The following CA2 variants were observed in gnomAD, a reference collection of about 807,000 sequenced individuals.
CA2 encodes carbonate dehydratase II.
A neutral mutation model predicts 27.8 loss-of-function variants in CA2; 23 were observed. The ratio of observed to expected loss-of-function variants is 0.83; its 90% confidence interval spans 0.59 to 1.17. CA2 has a LOEUF of 1.17. CA2 is among the 50% of genes most tolerant of loss of function. The pLI, the probability that CA2 is intolerant of heterozygous loss-of-function variation, is 0.00. For synonymous variants in CA2, 99 were observed against 114.9 expected (o/e 0.86, Z 0.88); for missense variants, 300 against 314.7 (o/e 0.95, Z 0.35).
chr8:85,479,189 G>A (rs1406839641), intron 6 of CA2, among the ~76,000 whole-genome samples: 1 of 152,188 alleles, frequency 6.6e-6, no homozygotes, highest in African/African-American at 2.4e-5. Flanking sequence ...CCCAGGCTCT[G>A]TCTCTGTGAT....
At chr8:85,473,616 T>C (rs1405813182) in intron 2 of CA2, 77 bp from the exon 3 acceptor site, 1 of 742,490 alleles carries the variant, frequency 1.3e-6, no homozygotes, top group Non-Finnish European at 2.5e-6. Context: ...TGTGTATGTA[T>C]GTGTGTATAC....
At chr8:85,473,907 G>C (rs954007383) in intron 3 of CA2, 96 bp downstream of exon 3, 1 of 804,908 alleles carries the variant, frequency 1.2e-6, no homozygotes, top group African/African-American at 1.7e-5. Context: ...TTCAACTCAC[G>C]CCCAGTGAAC....
In CA2 at chr8:85,471,138, A is replaced by C. The variant is rs75424231; in HGVS notation, c.233-2555A>C. Among the ~76,000 whole-genome samples the C allele has an allele frequency of 9.9e-3, 1,508 of 152,242 alleles. 29 individuals carry two copies. The highest frequency in any genetic ancestry group is 0.034 in the African/African-American group (1,408 of 41,564). On this transcript the variant is annotated intron_variant, in intron 2 of 6. Coordinates refer to ENST00000285379, the MANE Select transcript of CA2 (RefSeq NM_000067.3). ...TTATGTTTCTCAAATAAAAAGTTTG[A>C]GTTTATGGCAATTTATTATAACAAT... is the stretch of plus-strand genomic sequence containing the variant.
intron 6 of CA2, among the ~76,000 whole-genome samples, chr8:85,479,331 A>T (rs147304119): frequency 2.0e-4 from 30 of 152,308 alleles, no homozygotes; most frequent in African/African-American, 7.2e-4. Context: ...TCTCTTTCAG[A>T]TTGCTGGAAT....
chr8:85,466,489 C>T (rs1362581093), intron 2 of CA2, among the ~76,000 whole-genome samples: 1 of 151,966 alleles, frequency 6.6e-6, no homozygotes, highest in African/African-American at 2.4e-5. Context: ...ATATAGTCAA[C>T]TTGGTTTTGA....
intron 5 of CA2, among the ~76,000 whole-genome samples, chr8:85,476,133 T>TG (rs762955244): frequency 6.6e-6 from 1 of 152,220 alleles, no homozygotes; most frequent in Non-Finnish European, 1.5e-5. Flanking sequence ...ATCTTATGCC[T>TG]GCAAGGAGGT....
At chr8:85,478,081 T>C (rs1158132521) in intron 6 of CA2, among the ~76,000 whole-genome samples, 1 of 152,202 alleles carries the variant, frequency 6.6e-6, no homozygotes, top group Non-Finnish European at 1.5e-5. Flanking sequence ...CAATGTGCAA[T>C]AGAGATCATG....
In CA2 at chr8:85,464,078, G is replaced by A. The variant is rs1811576579; in HGVS notation, c.-4G>A. On this transcript the variant is annotated 5_prime_UTR_variant, in exon 1 of 7. Transcript: ENST00000285379. ...CCTGCCCTGCCCCGACCGCCAGCGC[G>A]ACCATGTCCCATCACTGGGGGTACG... is the stretch of plus-strand genomic sequence containing the variant. 1 of 1,548,504 alleles carries A rather than the reference G, an allele frequency of 6.5e-7. No individual in the cohort carries two copies. The highest frequency in any genetic ancestry group is 1.2e-5 in the South Asian group (1 of 84,072).
intron 2 of CA2, among the ~76,000 whole-genome samples, chr8:85,468,759 A>AAAAC (rs1197729980): frequency 6.6e-6 from 1 of 151,324 alleles, no homozygotes; most frequent in Non-Finnish European, 1.5e-5. Flanking sequence ...ACTCCATCTC[A>AAAAC]AAACAAACAA....
intron 2 of CA2, among the ~76,000 whole-genome samples, chr8:85,466,123 A>G (rs1429500670): frequency 1.1e-4 from 6 of 56,572 alleles, no homozygotes; most frequent in African/African-American, 3.8e-4. Context: ...CAGGATGCTC[A>G]CTGTAAAAAA....
At chr8:85,472,222 A>T (rs1811722827) in intron 2 of CA2, among the ~76,000 whole-genome samples, 1 of 152,234 alleles carries the variant, frequency 6.6e-6, no homozygotes, top group African/African-American at 2.4e-5. Flanking sequence ...ATTTGGGCTC[A>T]TTATTTTATG....
chr8:85,469,952 T>C (rs927575993), intron 2 of CA2, among the ~76,000 whole-genome samples: 5 of 152,196 alleles, frequency 3.3e-5, no homozygotes, highest in African/African-American at 1.2e-4. Flanking sequence ...CTAAAAGTTT[T>C]CTTTCACAGC....
chr8:85,465,384 T>C lies in CA2; in HGVS notation c.147T>C (p.Val49=), dbSNP rs747105608. The change falls in exon 2 of 7, where the codon GTT becomes GTC. Residue 49 remains valine, a synonymous_variant. Transcript: ENST00000285379. ...KYDPSLKPLS[V]SYDQATSLRI... ...ACCCTTCCCTGAAGCCCCTGTCTGT[T>C]TCCTATGATCAAGCAACTTCCCTGA... 35 of 1,614,196 alleles carry C rather than the reference T, an allele frequency of 2.2e-5. No homozygotes were observed. The highest frequency in any genetic ancestry group is 2.9e-5 in the Non-Finnish European group (34 of 1,180,020).
intron 2 of CA2, among the ~76,000 whole-genome samples, chr8:85,467,122 C>A (rs1365832988): frequency 6.6e-6 from 1 of 152,098 alleles, no homozygotes; most frequent in Non-Finnish European, 1.5e-5. Context: ...TTTTTTGGAG[C>A]ACTGAAGAAA....
intron 3 of CA2, 146 bp downstream of exon 3, chr8:85,473,957 A>G: frequency 1.5e-6 from 1 of 677,760 alleles, no homozygotes; most frequent in Non-Finnish European, 2.7e-6. Context: ...GCTTTTTATA[A>G]CCTTTAATTG....
At chr8:85,470,696 C>T (rs951992291) in intron 2 of CA2, among the ~76,000 whole-genome samples, 1 of 151,768 alleles carries the variant, frequency 6.6e-6, no homozygotes, top group Non-Finnish European at 1.5e-5. Flanking sequence ...TATTCTATAA[C>T]ATTATACTTA....
Position 85,475,858 on chromosome 8 carries a change from A to G in CA2, c.505A>G (p.Lys169Glu), listed in dbSNP as rs765008317. The G allele has an allele frequency of 1.9e-6, 3 of 1,613,880 alleles. No homozygotes were observed. Among genetic ancestry groups the G allele is most frequent in the East Asian group, 4.5e-5 (2 of 44,876 alleles). ...VVDVLDSIKT[K>E]GKSADFTNFD... is the part of the protein sequence containing the mutation. ...TGATGTGCTGGATTCCATTAAAACA[A>G]AGGTAAATTTGAATTTTCTGCCACC... The change falls in exon 5 of 7, where the codon AAG (lysine) becomes GAG (glutamate). Residue 169 changes from lysine (K) to glutamate (E), a missense_variant and splice_region_variant. This residue lies in a region of CA2 where 173 missense variants were observed against 161.0 expected (regional missense o/e 1.07). Transcript: ENST00000285379.
At chr8:85,475,977 C>A in intron 5 of CA2, 117 bp downstream of exon 5, 1 of 797,334 alleles carries the variant, frequency 1.3e-6, no homozygotes, top group Non-Finnish European at 2.2e-6. Context: ...TTTGGATGAG[C>A]AGTTAGTAAA....
At position 85,466,445 on chromosome 8, in the gene CA2, G is replaced by T. The variant is rs374489734; in HGVS notation, c.232+976G>T. On this transcript the variant is annotated intron_variant, in intron 2 of 6. Transcript: ENST00000285379. ...TATAATATGTAATTATAACCATTTA[G>T]TCAGGTAGACTATTCTTTGTCAGCA... Among the ~76,000 whole-genome samples, 27 of 152,114 alleles carry T rather than the reference G, an allele frequency of 1.8e-4. No homozygotes were observed. The South Asian group carries it at 3.5e-3, about 20-fold the overall frequency.
Sources: allele counts gnomAD v4.1 joint callset (sites outside exome capture counted in the v4.1 genomes callset), GRCh38; gene constraint gnomAD v4.1.1; regional missense constraint gnomAD v4.1.1; transcripts MANE v1.5; gene names NCBI Gene and HGNC (gene_info 2026-07-23, HGNC 2026-07-21).